Variants in CBL observed in about 807,000 individuals in gnomAD.
The protein encoded by CBL is Cbl proto-oncogene.
Under a neutral mutation model 96.9 loss-of-function variants are expected in CBL, and 45 were observed. That is an observed-to-expected ratio of 0.46 (90% CI 0.37 to 0.60). The LOEUF (loss-of-function observed/expected upper bound fraction) is 0.60. Ranked by LOEUF, CBL falls within the 20% of genes least tolerant of loss-of-function variation. The pLI is 0.00. For synonymous variants in CBL, 420 were observed against 426.8 expected (o/e 0.98, Z 0.20); for missense variants, 1,024 against 1,143.5 (o/e 0.90, Z 1.51).
In CBL at chr11:119,301,699, C is replaced by G. The variant is rs528450894; in HGVS notation, c.*1918C>G. ...TTGCTGTGGTTACCCAGTGTCTTCT[C>G]TACATGGCATAAAGCGGCAAAGCCC... is the stretch of plus-strand genomic sequence containing the variant. On this transcript the variant is annotated 3_prime_UTR_variant, in exon 16 of 16. Transcript: ENST00000264033. 4.3e-6 allele frequency: 1 copy of G among 233,126 alleles called. No homozygotes were observed. The highest frequency in any genetic ancestry group is 5.6e-5 in the Admixed American group (1 of 17,776). The allele number at this position is 233,126 out of a possible 1,614,324, so 14.4% of individuals were successfully genotyped here.
chr11:119,209,803 A>G (rs1373191891), intron 1 of CBL, among the ~76,000 whole-genome samples: 1 of 152,198 alleles, frequency 6.6e-6, no homozygotes, highest in Non-Finnish European at 1.5e-5. Flanking sequence ...TTGGATATAT[A>G]CAGATGGAAA....
chr11:119,249,778 T>A (rs568298730), intron 2 of CBL, among the ~76,000 whole-genome samples: 13 of 151,770 alleles, frequency 8.6e-5, no homozygotes, highest in African/African-American at 3.1e-4. Flanking sequence ...CCACCTAAGC[T>A]TCCCAAGTTG....
intron 1 of CBL, among the ~76,000 whole-genome samples, chr11:119,231,939 A>G (rs559054737): frequency 6.6e-6 from 1 of 151,738 alleles, no homozygotes; most frequent in East Asian, 1.9e-4. Context: ...CTCTAAAAAA[A>G]AAAAAAACAA....
At chr11:119,274,451 C>T (rs533171595) in intron 4 of CBL, among the ~76,000 whole-genome samples, 1 of 152,154 alleles carries the variant, frequency 6.6e-6, no homozygotes, top group Non-Finnish European at 1.5e-5. Flanking sequence ...TTCTTTTTCT[C>T]TAAAAATAAT....
intron 1 of CBL, among the ~76,000 whole-genome samples, chr11:119,210,611 T>TTTTTA (rs1949308705): frequency 1.4e-5 from 2 of 146,230 alleles, no homozygotes; most frequent in Admixed American, 6.8e-5. Flanking sequence ...CAATTTTTTT[T>TTTTTA]TTTTTTTTTT....
At chr11:119,233,380 T>G (rs891750703) in intron 2 of CBL, among the ~76,000 whole-genome samples, 1 of 152,152 alleles carries the variant, frequency 6.6e-6, no homozygotes, top group Non-Finnish European at 1.5e-5. Flanking sequence ...ATTATAGATG[T>G]GCACCACCAT....
rs2135298900 is a variant in CBL at position 119,273,940 on chromosome 11, C to A, written c.663C>A (p.Ala221=). Residue 221 remains alanine, a synonymous_variant, in exon 4 of 16, where the codon GCC becomes GCA. Coordinates refer to ENST00000264033, the MANE Select transcript of CBL (RefSeq NM_005188.4). ...EVHPISSGLE[A]MALKSTIDLT... ...ATCCCATCAGTTCTGGGCTGGAGGC[C>A]ATGGCTCTGAAATCCACTATTGATC... 1 of 1,613,930 alleles carries A rather than the reference C, an allele frequency of 6.2e-7. No homozygotes were observed. Among genetic ancestry groups the A allele is most frequent in the Non-Finnish European group, 8.5e-7 (1 of 1,179,790 alleles).
chr11:119,273,164 C>T (rs1778684658), intron 3 of CBL, among the ~76,000 whole-genome samples: 1 of 152,078 alleles, frequency 6.6e-6, no homozygotes, highest in South Asian at 2.1e-4. Flanking sequence ...TGCTGTGTTA[C>T]CCAGGCTGGT....
intron 1 of CBL, among the ~76,000 whole-genome samples, chr11:119,213,649 AG>A (rs1949335527): frequency 6.6e-6 from 1 of 152,060 alleles, no homozygotes; most frequent in African/African-American, 2.4e-5. Context: ...TTTATTTTTT[AG>A]TACACTTGGA....
intron 2 of CBL, among the ~76,000 whole-genome samples, chr11:119,233,988 C>G (rs1319209714): frequency 6.6e-6 from 1 of 151,790 alleles, no homozygotes; most frequent in Non-Finnish European, 1.5e-5. Context: ...TCCATCTTTT[C>G]TTTCTTTCTT....
intron 2 of CBL, among the ~76,000 whole-genome samples, chr11:119,267,895 GA>G (rs1949815939): frequency 1.3e-5 from 2 of 152,198 alleles, no homozygotes; most frequent in Admixed American, 1.3e-4. Flanking sequence ...GAACTGCAGA[GA>G]AAACACTGGG....
chr11:119,211,830 T>C (rs1363809938), intron 1 of CBL, among the ~76,000 whole-genome samples: 1 of 152,104 alleles, frequency 6.6e-6, no homozygotes, highest in Non-Finnish European at 1.5e-5. Flanking sequence ...TTTAAAAATG[T>C]GAAAGCCACA....
chr11:119,283,241 T>A (rs1437687421), intron 9 of CBL, among the ~76,000 whole-genome samples: 2 of 152,342 alleles, frequency 1.3e-5, no homozygotes, highest in African/African-American at 4.8e-5. Context: ...TAACTTTGAC[T>A]TTTGTCATTG....
intron 11 of CBL, among the ~76,000 whole-genome samples, chr11:119,287,117 G>A (rs2135312169): frequency 6.6e-6 from 1 of 152,342 alleles, no homozygotes; most frequent in South Asian, 2.1e-4. Context: ...AATATAGCCA[G>A]TACTAAATGA....
rs1256122415 is a variant in CBL at position 119,307,832 on chromosome 11, A to G, written c.*8051A>G. 4.8e-6 allele frequency: 1 copy of G among 209,706 alleles called. No individual in the cohort carries two copies. Among genetic ancestry groups the G allele is most frequent in the African/African-American group, 2.3e-5 (1 of 44,024 alleles). The allele number at this position is 209,706 out of a possible 1,614,324, so 13.0% of individuals were successfully genotyped here. ...AGAAAACAAAACAAACACATAGGTG[A>G]GATTTTCGTGGACTATTTTAAAAAT... is the stretch of plus-strand genomic sequence containing the variant. On this transcript the variant is annotated 3_prime_UTR_variant, in exon 16 of 16. Coordinates refer to ENST00000264033, the MANE Select transcript of CBL (RefSeq NM_005188.4).
At chr11:119,298,268 T>A in intron 14 of CBL, 90 bp from the exon 15 acceptor site, 1 of 1,109,134 alleles carries the variant, frequency 9.0e-7, no homozygotes, top group Admixed American at 1.7e-5. Flanking sequence ...AATGATTGCA[T>A]ACATGTAAAA....
intron 2 of CBL, among the ~76,000 whole-genome samples, chr11:119,269,557 G>A (rs1949827810): frequency 2.6e-5 from 4 of 151,996 alleles, no homozygotes; most frequent in Admixed American, 2.6e-4. Context: ...TAAAGACTTG[G>A]ATAATTTGGT....
At chr11:119,272,002 T>G in intron 3 of CBL, 121 bp downstream of exon 3, 1 of 869,156 alleles carries the variant, frequency 1.2e-6, no homozygotes, top group Non-Finnish European at 1.8e-6. Context: ...TATATGTGTA[T>G]GTATTTCCTG....
At position 119,232,479 on chromosome 11, in the gene CBL, C is replaced by A. The variant is rs757898729; in HGVS notation, c.227C>A (p.Ala76Glu). 4.3e-6 allele frequency: 7 copies of A among 1,613,628 alleles called. No individual in the cohort carries two copies. Among genetic ancestry groups the A allele is most frequent in the Non-Finnish European group, 5.1e-6 (6 of 1,179,798 alleles). ...VVRLCQNPKL[A>E]LKNSPPYILD... is the part of the protein sequence containing the mutation. The stretch of plus-strand genomic sequence containing the variant: ...CGGTTGTGTCAGAACCCAAAGCTGG[C>A]GCTAAAGAATAGCCCACCTTATATC... Residue 76 changes from alanine (A) to glutamate (E), a missense_variant, in exon 2 of 16, where the codon GCG (alanine) becomes GAG (glutamate). Transcript: ENST00000264033.
Sources: gnomAD v4.1 joint callset for allele counts (sites outside exome capture counted in the v4.1 genomes callset) on GRCh38, gnomAD v4.1.1 for gene constraint, MANE v1.5 for transcripts, NCBI Gene and HGNC (gene_info 2026-07-23, HGNC 2026-07-21) for gene names.